GPT2: variants seen among roughly 807,000 people sequenced by gnomAD.
GPT2 encodes the protein glutamic--pyruvic transaminase 2, also known as alanine aminotransferase 2.
Under a neutral mutation model 56.9 loss-of-function variants are expected in GPT2, and 30 were observed. That is an observed-to-expected ratio of 0.53 (90% CI 0.39 to 0.72). The LOEUF is 0.72. Ranked by LOEUF, GPT2 falls within the 30% of genes least tolerant of loss-of-function variation. The pLI is 0.00. For synonymous variants in GPT2, 271 were observed against 283.1 expected, an observed-to-expected ratio of 0.96 and a Z score of 0.43; for missense variants, 542 against 703.4, an observed-to-expected ratio of 0.77 and a Z score of 2.60.
chr16:46,897,218 C>T (rs1429826170), intron 2 of GPT2, among the ~76,000 whole-genome samples: 1 of 152,096 alleles, frequency 6.6e-6, no homozygotes, highest in East Asian at 1.9e-4. Flanking sequence ...CTACTAAATA[C>T]AAAAATTAGC....
chr16:46,920,140 G>C (rs577872891), intron 8 of GPT2, among the ~76,000 whole-genome samples: 1 of 152,366 alleles, frequency 6.6e-6, no homozygotes, highest in South Asian at 2.1e-4. Context: ...AGGAGTTCCA[G>C]GCTGCGGTGA....
intron 4 of GPT2, among the ~76,000 whole-genome samples, chr16:46,901,904 G>A (rs370908489): frequency 1.3e-5 from 2 of 152,338 alleles, no homozygotes; most frequent in East Asian, 1.9e-4. Flanking sequence ...ACCACAGGCT[G>A]GCAGAAAGCA....
At chr16:46,912,712 A>T (rs1961068633) in intron 6 of GPT2, among the ~76,000 whole-genome samples, 1 of 152,220 alleles carries the variant, frequency 6.6e-6, no homozygotes, top group Admixed American at 6.5e-5. Context: ...GGGAGCACGC[A>T]CATCGCATGG....
At position 46,922,370 on chromosome 16, in the gene GPT2, T is replaced by C. The variant is rs1314618590; in HGVS notation, c.1166T>C (p.Val389Ala). 6.2e-7 allele frequency: 1 copy of C among 1,613,904 alleles called. No individual in the cohort carries two copies. Among genetic ancestry groups the C allele is most frequent in the Admixed American group, 1.7e-5 (1 of 59,958 alleles). Residue 389 changes from valine (V) to alanine (A), a missense_variant, in exon 9 of 12, where the codon GTG becomes GCG. Transcript: ENST00000340124. ...GGGCAGGCCGCCATGGACATTGTCGTGAACCCCCCGGTGGCAGGAGAGGAG... is the reference window on the plus strand; with the variant it reads ...GGGCAGGCCGCCATGGACATTGTCGCGAACCCCCCGGTGGCAGGAGAGGAG... ...VSGQAAMDIV[V>A]NPPVAGEESF...
At chr16:46,928,265 C>T (rs368757308) in intron 11 of GPT2, among the ~76,000 whole-genome samples, 2 of 151,484 alleles carry the variant, frequency 1.3e-5, no homozygotes, top group African/African-American at 4.9e-5. Flanking sequence ...GAGTTTGAGG[C>T]TGCAGTGAGC....
At chr16:46,895,848 A>G (rs1960676284) in intron 2 of GPT2, among the ~76,000 whole-genome samples, 1 of 152,192 alleles carries the variant, frequency 6.6e-6, no homozygotes, top group Non-Finnish European at 1.5e-5. Flanking sequence ...TTTTTACTTA[A>G]GGTGTACATT....
chr16:46,915,601 TAC>T (rs1331210128), intron 6 of GPT2: 3 of 120,616 alleles, frequency 2.5e-5, no homozygotes, highest in Admixed American at 8.5e-5. Context: ...CCACCACACC[TAC>T]ACACACACCA....
At chr16:46,895,821 C>T (rs1427770129) in intron 2 of GPT2, among the ~76,000 whole-genome samples, 4 of 152,214 alleles carry the variant, frequency 2.6e-5, no homozygotes. Flanking sequence ...GTGTGAGCCA[C>T]CACGTCCAGC....
chr16:46,885,078 A>G, intron 2 of GPT2, 120 bp downstream of exon 2: 1 of 1,349,658 alleles, frequency 7.4e-7, no homozygotes, highest in South Asian at 1.8e-5. Flanking sequence ...CAGTCAGCCA[A>G]GCCTGGCTAA....
At chr16:46,895,094 A>G (rs1960662139) in intron 2 of GPT2, among the ~76,000 whole-genome samples, 1 of 152,116 alleles carries the variant, frequency 6.6e-6, no homozygotes, top group South Asian at 2.1e-4. Flanking sequence ...ATGATGGTCC[A>G]GAGCCACTTC....
At chr16:46,898,996 C>CATATATAT (rs1567335163) in intron 3 of GPT2, among the ~76,000 whole-genome samples, 4 of 107,896 alleles carry the variant, frequency 3.7e-5, no homozygotes, top group African/African-American at 1.6e-4. Flanking sequence ...ATATATAACA[C>CATATATAT]ACATATATAT....
At chr16:46,884,980 G>A (rs1465865783) in intron 2 of GPT2, 22 bp downstream of exon 2, 4 of 1,460,168 alleles carry the variant, frequency 2.7e-6, no homozygotes, top group African/African-American at 2.9e-5. Flanking sequence ...CTGGGCCCCG[G>A]GGAGGCTGGG....
intron 2 of GPT2, among the ~76,000 whole-genome samples, chr16:46,887,634 C>G (rs1184279850): frequency 1.3e-5 from 2 of 151,904 alleles, no homozygotes; most frequent in African/African-American, 4.8e-5. Flanking sequence ...TTTATACCTC[C>G]TTGTCCATTC....
chr16:46,926,777 G>C (rs1246776786), intron 10 of GPT2, 148 bp from the exon 11 acceptor site: 2 of 472,242 alleles, frequency 4.2e-6, no homozygotes, highest in African/African-American at 2.0e-5. Context: ...CAGTATCCCA[G>C]CGTCTGGCCC....
intron 3 of GPT2, among the ~76,000 whole-genome samples, chr16:46,899,126 G>A (rs1464669010): frequency 6.7e-6 from 1 of 149,154 alleles, no homozygotes; most frequent in Non-Finnish European, 1.5e-5. Context: ...TCAAACTCCT[G>A]GGCTGAAGCA....
intron 6 of GPT2, among the ~76,000 whole-genome samples, chr16:46,912,069 T>C (rs1449835102): frequency 6.6e-6 from 1 of 151,958 alleles, no homozygotes; most frequent in Non-Finnish European, 1.5e-5. Flanking sequence ...GAGAAGAGGG[T>C]CTCTGGAAAA....
chr16:46,885,192 T>C (rs1425693256), intron 2 of GPT2: 3 of 1,265,998 alleles, frequency 2.4e-6, no homozygotes, highest in Non-Finnish European at 3.0e-6. Flanking sequence ...AATTCGTCAA[T>C]TGTTGAGCGG....
chr16:46,884,766 C>T lies in GPT2; in HGVS notation c.51C>T (p.Pro17=), dbSNP rs757286711. ...GGCGGGGCTGTGGTCCCCGGACCCC[C>T]AGCTCCTGGGGCCGCAGCCAGAGCA... The part of the protein sequence containing the change: ...LVRRGCGPRT[P]SSWGRSQSSA... Residue 17 remains proline, a synonymous_variant, in exon 2 of 12, where the codon CCC becomes CCT. Coordinates refer to ENST00000340124, the MANE Select transcript of GPT2 (RefSeq NM_133443.4). 11 of 1,483,560 alleles carry T rather than the reference C, an allele frequency of 7.4e-6. No homozygotes were observed. Among genetic ancestry groups the T allele is most frequent in the East Asian group, 2.7e-5 (1 of 37,036 alleles). 91.9% of individuals were successfully genotyped at this position (1,483,560 alleles called of 1,614,324 possible).
chr16:46,913,208 C>T (rs1961078929), intron 6 of GPT2, among the ~76,000 whole-genome samples: 1 of 152,238 alleles, frequency 6.6e-6, no homozygotes, highest in South Asian at 2.1e-4. Flanking sequence ...GTATTATTTG[C>T]ACACACTGGG....
Sources: allele counts gnomAD v4.1 joint callset (sites outside exome capture counted in the v4.1 genomes callset), GRCh38; gene constraint gnomAD v4.1.1; transcripts MANE v1.5; gene names NCBI Gene and HGNC (gene_info 2026-07-23, HGNC 2026-07-21).